The following GNA14 variants were observed in gnomAD, a reference collection of about 807,000 sequenced individuals.
GNA14 encodes the protein guanine nucleotide-binding protein subunit alpha-14.
Under a neutral mutation model 42.0 loss-of-function variants are expected in GNA14, and 50 were observed. The ratio of observed to expected loss-of-function variants is 1.19; its 90% CI spans 0.95 to 1.51. The LOEUF is 1.51. Among genes scored for constraint, GNA14 ranks in the 40% most tolerant of loss-of-function variants. The probability of loss-of-function intolerance (pLI) is 0.00; values close to 1 mark genes in which losing one functional copy is unlikely to be tolerated. For synonymous variants in GNA14, 173 were observed against 163.1 expected, an observed-to-expected ratio of 1.06 and a Z score of -0.46; for missense variants, 473 against 446.2, an observed-to-expected ratio of 1.06 and a Z score of -0.54.
At chr9:77,505,560 C>G (rs1041017879) in intron 2 of GNA14, among the ~76,000 whole-genome samples, 1 of 152,132 alleles carries the variant, frequency 6.6e-6, no homozygotes, top group Non-Finnish European at 1.5e-5. Context: ...GAACAAAACT[C>G]AGGAAATGAA....
intron 1 of GNA14, among the ~76,000 whole-genome samples, chr9:77,532,735 G>T (rs899318368): frequency 2.6e-5 from 4 of 152,102 alleles, no homozygotes; most frequent in Non-Finnish European, 4.4e-5. Flanking sequence ...GCATGCGTCC[G>T]CTCTGCCTTG....
intron 1 of GNA14, among the ~76,000 whole-genome samples, chr9:77,584,279 G>T (rs555907732): frequency 6.6e-6 from 1 of 152,180 alleles, no homozygotes; most frequent in Non-Finnish European, 1.5e-5. Context: ...CATCTTTAAT[G>T]ATGACCTTGA....
At chr9:77,430,423 G>A (rs1835527402) in intron 4 of GNA14, among the ~76,000 whole-genome samples, 1 of 152,194 alleles carries the variant, frequency 6.6e-6, no homozygotes, top group African/African-American at 2.4e-5. Context: ...AGAGGTTTTG[G>A]ACATTGCAAA....
At chr9:77,464,794 A>G (rs1242666990) in intron 2 of GNA14, among the ~76,000 whole-genome samples, 2 of 152,214 alleles carry the variant, frequency 1.3e-5, no homozygotes, top group East Asian at 3.9e-4. Flanking sequence ...TGGAAATAGG[A>G]TCTTTTCAGA....
In GNA14 at chr9:77,574,115, G is replaced by A. The variant is rs1189197773; in HGVS notation, c.125-44862C>T. On this transcript the variant is annotated intron_variant, in intron 1 of 6. Coordinates refer to ENST00000341700, the MANE Select transcript of GNA14 (RefSeq NM_004297.4). Reference sequence around the variant, plus strand: ...AGGCCAGGAGTTCAAGACCAGCCTGGGCAACATAGCAAGAGCCTGTCTCTA... The same window carrying A: ...AGGCCAGGAGTTCAAGACCAGCCTGAGCAACATAGCAAGAGCCTGTCTCTA... Among the ~76,000 whole-genome samples, 6 of 152,062 alleles carry A rather than the reference G, an allele frequency of 3.9e-5. No individual in the cohort carries two copies. The South Asian group carries it at 1.2e-3, about 32-fold the overall frequency.
intron 2 of GNA14, among the ~76,000 whole-genome samples, chr9:77,462,497 G>C (rs1235564500): frequency 6.6e-6 from 1 of 152,104 alleles, no homozygotes; most frequent in Non-Finnish European, 1.5e-5. Flanking sequence ...GAGGCGGGTG[G>C]ACACGAGGTC....
At chr9:77,489,898 G>A (rs1315486960) in intron 2 of GNA14, among the ~76,000 whole-genome samples, 1 of 151,138 alleles carries the variant, frequency 6.6e-6, no homozygotes. Context: ...CAATGTGGAA[G>A]GGGACCGGAG....
intron 1 of GNA14, among the ~76,000 whole-genome samples, chr9:77,601,296 A>T (rs1346599330): frequency 6.6e-6 from 1 of 152,212 alleles, no homozygotes; most frequent in East Asian, 1.9e-4. Flanking sequence ...ACCGAGATTT[A>T]GCTGAACTAA....
Position 77,438,981 on chromosome 9 carries a change from G to C in GNA14, c.310-4459C>G, listed in dbSNP as rs1166986277. ...AGGCCTCATCCAAAGTTTGCCAGTT[G>C]TTCCAGGAATGTCCTTTATCTGGTC... On this transcript the variant is annotated intron_variant, in intron 2 of 6. Coordinates refer to ENST00000341700, the MANE Select transcript of GNA14 (RefSeq NM_004297.4). Among the ~76,000 whole-genome samples the C allele has an allele frequency of 9.9e-5, 15 of 152,212 alleles. No homozygotes were observed. In the East Asian group the frequency reaches 2.9e-3, roughly 29 times the overall value.
At chr9:77,447,942 G>A (rs771622523) in intron 2 of GNA14, among the ~76,000 whole-genome samples, 3 of 152,212 alleles carry the variant, frequency 2.0e-5, no homozygotes, top group Non-Finnish European at 4.4e-5. Flanking sequence ...TGGAGAGCAT[G>A]CTGTCTACCA....
At chr9:77,564,075 A>C (rs936231156) in intron 1 of GNA14, among the ~76,000 whole-genome samples, 1 of 152,132 alleles carries the variant, frequency 6.6e-6, no homozygotes, top group Non-Finnish European at 1.5e-5. Flanking sequence ...AACAACAGAA[A>C]ACTCTCACCA....
intron 1 of GNA14, among the ~76,000 whole-genome samples, chr9:77,584,201 C>T (rs1264000752): frequency 6.6e-6 from 1 of 152,170 alleles, no homozygotes; most frequent in Non-Finnish European, 1.5e-5. Context: ...GAATCTACCT[C>T]TACCATTCAA....
intron 1 of GNA14, among the ~76,000 whole-genome samples, chr9:77,646,437 C>G (rs1309114105): frequency 9.3e-6 from 1 of 108,040 alleles, no homozygotes; most frequent in African/African-American, 3.4e-5. Flanking sequence ...GAGGGGCACA[C>G]CCCCCCCCAA....
At chr9:77,459,678 G>T (rs566083756) in intron 2 of GNA14, among the ~76,000 whole-genome samples, 10 of 152,116 alleles carry the variant, frequency 6.6e-5, no homozygotes, top group African/African-American at 2.4e-4. Context: ...TAAGCTATTA[G>T]CAATGCCTGA....
intron 2 of GNA14, among the ~76,000 whole-genome samples, chr9:77,474,821 T>G (rs2131723637): frequency 6.6e-6 from 1 of 152,214 alleles, no homozygotes; most frequent in East Asian, 1.9e-4. Flanking sequence ...CAATTAAAAG[T>G]AAATGAATTA....
chr9:77,629,704 G>A (rs7042546), intron 1 of GNA14, among the ~76,000 whole-genome samples: 42,584 of 151,990 alleles, frequency 0.28, 6,863 homozygotes, highest in African/African-American at 0.44. Context: ...ACAGTGAGGG[G>A]AACATCACAT....
intron 1 of GNA14, among the ~76,000 whole-genome samples, chr9:77,575,301 G>C (rs897273350): frequency 5.3e-5 from 8 of 152,190 alleles, no homozygotes; most frequent in Non-Finnish European, 7.3e-5. Flanking sequence ...AGAACAGCTT[G>C]AACCTGGAAG....
At chr9:77,557,347 T>C (rs1404991080) in intron 1 of GNA14, among the ~76,000 whole-genome samples, 2 of 152,216 alleles carry the variant, frequency 1.3e-5, no homozygotes, top group Non-Finnish European at 2.9e-5. Flanking sequence ...AAATTTATTA[T>C]TCCTACGAGC....
At chr9:77,472,481 A>C (rs1414656364) in intron 2 of GNA14, among the ~76,000 whole-genome samples, 2 of 152,184 alleles carry the variant, frequency 1.3e-5, no homozygotes, top group Non-Finnish European at 2.9e-5. Context: ...GAAGAATTAA[A>C]ATGATCTCTA....
Sources: allele counts gnomAD v4.1 joint callset (sites outside exome capture counted in the v4.1 genomes callset), GRCh38; gene constraint gnomAD v4.1.1; transcripts MANE v1.5; gene names NCBI Gene and HGNC (gene_info 2026-07-23, HGNC 2026-07-21).